The following AFG2A variants were observed in gnomAD, a reference collection of about 807,000 sequenced individuals.
AFG2A encodes the protein ATPase family gene 2 protein homolog A.
chr4:123,309,178 A>G, the AFG2A span, among the ~76,000 whole-genome samples: 6 of 152,336 alleles, frequency 3.9e-5, no homozygotes, highest in South Asian at 1.2e-3. Flanking sequence ...GAAGAGTTCT[A>G]TGGGAAACAA....
chr4:123,014,008 A>G, the AFG2A span, among the ~76,000 whole-genome samples: 1 of 152,206 alleles, frequency 6.6e-6, no homozygotes, highest in Non-Finnish European at 1.5e-5. Flanking sequence ...TCATTTGGTT[A>G]TGTAGTATTC....
At chr4:123,147,005 T>A in the AFG2A span, among the ~76,000 whole-genome samples, 1 of 152,180 alleles carries the variant, frequency 6.6e-6, no homozygotes, top group East Asian at 1.9e-4. Flanking sequence ...AATTTTTCCT[T>A]CCTTTATACT....
At chr4:122,968,790 T>A in the AFG2A span, among the ~76,000 whole-genome samples, 3 of 152,206 alleles carry the variant, frequency 2.0e-5, no homozygotes. Flanking sequence ...CTGTTGTGCG[T>A]GAAAATTCCA....
chr4:123,208,717 T>C, the AFG2A span, among the ~76,000 whole-genome samples: 4 of 152,196 alleles, frequency 2.6e-5, no homozygotes, highest in African/African-American at 9.6e-5. Flanking sequence ...TTAGGAATAG[T>C]CTCCAGATGG....
the AFG2A span, among the ~76,000 whole-genome samples, chr4:123,115,645 G>C: frequency 2.9e-4 from 44 of 152,190 alleles, no homozygotes; most frequent in East Asian, 8.4e-3. Context: ...TGGGCTTCCA[G>C]GGCAGCAGGC....
At chr4:123,175,281 A>G in the AFG2A span, among the ~76,000 whole-genome samples, 1 of 152,174 alleles carries the variant, frequency 6.6e-6, no homozygotes, top group Admixed American at 6.5e-5. Context: ...AAATATGTAG[A>G]CCATAAGAAA....
chr4:123,307,336 AGTGATGAGCTTT>A, the AFG2A span, among the ~76,000 whole-genome samples: 1 of 152,202 alleles, frequency 6.6e-6, no homozygotes, highest in Non-Finnish European at 1.5e-5. Flanking sequence ...ATGCCAGCAG[AGTGATGAGCTTT>A]GTGGTGGTCC....
At chr4:122,998,959 C>T in the AFG2A span, among the ~76,000 whole-genome samples, 26 of 152,126 alleles carry the variant, frequency 1.7e-4, no homozygotes, top group African/African-American at 6.3e-4. Context: ...TTCTCCACAT[C>T]CTCTCCAGCA....
chr4:123,090,147 T>C, the AFG2A span, among the ~76,000 whole-genome samples: 2 of 152,228 alleles, frequency 1.3e-5, no homozygotes, highest in Non-Finnish European at 2.9e-5. Flanking sequence ...GTAATGAGTT[T>C]TTTATTTCAC....
chr4:123,144,394 T>C, the AFG2A span, among the ~76,000 whole-genome samples: 3 of 152,112 alleles, frequency 2.0e-5, no homozygotes. Flanking sequence ...GTAAGTAATA[T>C]AGTAATGCTA....
chr4:123,053,716 G>A, the AFG2A span, among the ~76,000 whole-genome samples: 1 of 152,102 alleles, frequency 6.6e-6, no homozygotes, highest in East Asian at 1.9e-4. Context: ...GGAGGGGCTG[G>A]AGCTAAGACT....
chr4:123,041,277 A>ATTTTTTTTTTTTT, the AFG2A span, among the ~76,000 whole-genome samples: 54 of 118,144 alleles, frequency 4.6e-4, no homozygotes, highest in Non-Finnish European at 7.1e-4. Flanking sequence ...CGCCCAGCTA[A>ATTTTTTTTTTTTT]TTTTTTTTTT....
the AFG2A span, among the ~76,000 whole-genome samples, chr4:123,184,695 C>A: frequency 6.6e-6 from 1 of 150,774 alleles, no homozygotes; most frequent in Non-Finnish European, 1.5e-5. Context: ...CGCCACTACG[C>A]CCGGCTAATT....
At chr4:123,159,883 AAT>A in the AFG2A span, among the ~76,000 whole-genome samples, 1 of 152,334 alleles carries the variant, frequency 6.6e-6, no homozygotes, top group East Asian at 1.9e-4. Flanking sequence ...GAAGTGATTA[AAT>A]GCCAGCCAAA....
At chr4:123,131,270 TTTACTTATGTA>T in the AFG2A span, among the ~76,000 whole-genome samples, 1 of 152,180 alleles carries the variant, frequency 6.6e-6, no homozygotes, top group African/African-American at 2.4e-5. Context: ...AAATCAACTC[TTTACTTATGTA>T]TAATGTCTCC....
the AFG2A span, among the ~76,000 whole-genome samples, chr4:123,290,985 T>C: frequency 6.6e-6 from 1 of 152,178 alleles, no homozygotes; most frequent in Non-Finnish European, 1.5e-5. Flanking sequence ...TGGAGTTAGG[T>C]GCATATTTAT....
At chr4:123,031,691 TC>T in the AFG2A span, among the ~76,000 whole-genome samples, 1 of 152,248 alleles carries the variant, frequency 6.6e-6, no homozygotes, top group African/African-American at 2.4e-5. Context: ...AAGGAAAAAC[TC>T]CCTATCACTT....
the AFG2A span, among the ~76,000 whole-genome samples, chr4:122,944,832 G>C: frequency 2.6e-5 from 4 of 152,128 alleles, no homozygotes; most frequent in African/African-American, 9.7e-5. Context: ...TGTCCTTTCT[G>C]TTTGTTAGTT....
the AFG2A span, among the ~76,000 whole-genome samples, chr4:123,021,394 G>C: frequency 6.6e-6 from 1 of 151,706 alleles, no homozygotes; most frequent in African/African-American, 2.4e-5. Context: ...ATAGCTCACT[G>C]TTGCCATCTG....
Sources: gnomAD v4.1 joint callset for allele counts (sites outside exome capture counted in the v4.1 genomes callset) on GRCh38, gnomAD v4.1.1 for gene constraint, MANE v1.5 for transcripts, NCBI Gene and HGNC (gene_info 2026-07-23, HGNC 2026-07-21) for gene names.